Variants in NOS1 observed in about 807,000 individuals in gnomAD.
NOS1 encodes nitric oxide synthase 1, also known as NOS type I.
In NOS1, 51 loss-of-function variants were observed where a neutral mutation model predicts 164.5. The ratio of observed to expected loss-of-function variants is 0.31; its 90% CI spans 0.25 to 0.39. The LOEUF is 0.39. NOS1 is among the 10% of genes least tolerant of loss of function. NOS1 has a pLI of 1.00. For missense variants in NOS1, 1,362 were observed against 1,885.6 expected (o/e 0.72, Z 5.14); for synonymous variants, 719 against 745.8 (o/e 0.96, Z 0.59).
chr12:117,267,288 G>A (rs2135990380), intron 11 of NOS1, among the ~76,000 whole-genome samples: 1 of 152,224 alleles, frequency 6.6e-6, no homozygotes, highest in Non-Finnish European at 1.5e-5. Context: ...TCGCCCTCTG[G>A]CTCTCAAAAG....
chr12:117,272,576 GGCCC>G lies in NOS1; in HGVS notation c.1665-21_1665-18del. On this transcript the variant is annotated intron_variant, in intron 9 of 28. Transcript: ENST00000317775. This position sits in a 1 kb window ranked among gnomAD's most constrained non-coding sequence, Gnocchi z 4.3. ...CACTCAAACCTGCAGGGAGCAACAGGGCCCAGCTCACCCGGAGCAGGTGTCTCAT... is the reference window on the plus strand; with the variant it reads ...CACTCAAACCTGCAGGGAGCAACAGGAGCTCACCCGGAGCAGGTGTCTCAT... 1 of 1,606,878 alleles carries G rather than the reference GGCCC, an allele frequency of 6.2e-7. No individual in the cohort carries two copies. Among genetic ancestry groups the G allele is most frequent in the Non-Finnish European group, 8.5e-7 (1 of 1,176,790 alleles).
chr12:117,256,082 G>T, intron 16 of NOS1: 1 of 1,131,092 alleles, frequency 8.8e-7, no homozygotes, highest in Non-Finnish European at 1.2e-6. Flanking sequence ...CTGAAGGAGG[G>T]GTGAGAGGGA....
At chr12:117,260,692 C>T in intron 13 of NOS1, 83 bp from the exon 14 acceptor site, 1 of 1,450,298 alleles carries the variant, frequency 6.9e-7, no homozygotes, top group East Asian at 2.3e-5. Context: ...GTGCAAGAAC[C>T]AGGATCCATG....
rs746126441 is a variant in NOS1, at chr12:117,225,027, A to C, written c.3815T>G (p.Ile1272Ser). Residue 1272 changes from isoleucine to serine, a missense_variant, in exon 25 of 29, where the codon ATC becomes AGC. Physicochemically the swap from Ile to Ser is moderately radical, Grantham distance 142. Around this residue, in one of 4 missense-constraint regions of NOS1, gnomAD observed 737 missense variants for 1,030.3 expected, o/e 0.72. Coordinates refer to ENST00000317775, the MANE Select transcript of NOS1 (RefSeq NM_000620.5). ...RSFWQQRQFD[I>S]QHKGMNPCPM... ...GGACTGTAACCCACCTTTGTGTTGG[A>C]TATCAAATTGCCGCTGTTGCCAGAA... 1.2e-6 allele frequency: 2 copies of C among 1,614,140 alleles called. No homozygotes were observed. Among genetic ancestry groups the C allele is most frequent in the Non-Finnish European group, 1.7e-6 (2 of 1,180,022 alleles).
chr12:117,220,283 A>C lies in NOS1; in HGVS notation c.3976-14T>G. On this transcript the variant is annotated splice_polypyrimidine_tract_variant and intron_variant, in intron 26 of 28. Transcript: ENST00000317775. ...CTGCACGTACTTCTGCAAGGAGCAG[A>C]GAGCAGTGAGAAGGGGCTGGGCTGT... 6.3e-7 allele frequency: 1 copy of C among 1,594,848 alleles called. No individual in the cohort carries two copies. The highest frequency in any genetic ancestry group is 8.5e-7 in the Non-Finnish European group (1 of 1,174,844).
chr12:117,292,848 T>C (rs747365788), intron 3 of NOS1, among the ~76,000 whole-genome samples: 4 of 152,158 alleles, frequency 2.6e-5, no homozygotes, highest in Non-Finnish European at 5.9e-5. Flanking sequence ...TCTGCTCCCA[T>C]GGAGTCACAG....
chr12:117,258,262 C>A, intron 16 of NOS1, 135 bp downstream of exon 16: 2 of 860,324 alleles, frequency 2.3e-6, no homozygotes, highest in East Asian at 2.6e-5. Flanking sequence ...AGACACCTCA[C>A]AACTAAGACC....
At chr12:117,322,938 A>G (rs888530490) in intron 2 of NOS1, among the ~76,000 whole-genome samples, 2 of 147,868 alleles carry the variant, frequency 1.4e-5, no homozygotes, top group Non-Finnish European at 3.0e-5. Flanking sequence ...TCAAGCTTGG[A>G]ACTAAATGAT....
chr12:117,225,772 C>T (rs907076686), intron 24 of NOS1, among the ~76,000 whole-genome samples: 1 of 152,078 alleles, frequency 6.6e-6, no homozygotes, highest in African/African-American at 2.4e-5. Flanking sequence ...ATTACAGGCA[C>T]CCGCCACCAC....
intron 1 of NOS1, among the ~76,000 whole-genome samples, chr12:117,332,535 T>C (rs1875596374): frequency 6.6e-6 from 1 of 152,026 alleles, no homozygotes; most frequent in South Asian, 2.1e-4. Flanking sequence ...GAGACCAGCC[T>C]GGGCAACATA....
At chr12:117,289,713 G>A (rs968049914) in intron 4 of NOS1, among the ~76,000 whole-genome samples, 3 of 152,190 alleles carry the variant, frequency 2.0e-5, no homozygotes, top group African/African-American at 7.2e-5. Flanking sequence ...GGGTGGTAGA[G>A]CTTATCACAA....
chr12:117,288,846 G>A (rs992838480), intron 4 of NOS1, among the ~76,000 whole-genome samples: 11 of 152,114 alleles, frequency 7.2e-5, no homozygotes, highest in African/African-American at 2.4e-4. Flanking sequence ...GAAGAGGAGA[G>A]ACCACATGGA....
At chr12:117,328,388 C>T (rs568989896) in intron 2 of NOS1, among the ~76,000 whole-genome samples, 85 of 152,196 alleles carry the variant, frequency 5.6e-4, no homozygotes, top group Middle Eastern at 3.4e-3. Context: ...AGGTTGGTTT[C>T]GAACTCCTGA....
At position 117,208,858 on chromosome 12, in the gene NOS1, G is replaced by T; in HGVS notation, c.*6451C>A. The T allele has an allele frequency of 1.6e-6, 1 of 620,618 alleles. No homozygotes were observed. Among genetic ancestry groups the T allele is most frequent in the Non-Finnish European group, 2.0e-6 (1 of 496,034 alleles). The allele number at this position is 620,618 out of a possible 1,614,324, so 38.4% of individuals were successfully genotyped here. The stretch of plus-strand genomic sequence containing the variant: ...CTGCCTCAGCCTCCCGAGTAGATGG[G>T]ATTACAGATGCCCGCCACCACGCCG... On this transcript the variant is annotated 3_prime_UTR_variant, in exon 29 of 29. Coordinates refer to ENST00000317775, the MANE Select transcript of NOS1 (RefSeq NM_000620.5).
intron 9 of NOS1, among the ~76,000 whole-genome samples, chr12:117,277,590 T>C (rs1397722966): frequency 6.7e-6 from 1 of 149,960 alleles, no homozygotes; most frequent in African/African-American, 2.4e-5. Context: ...GCAGACCCTG[T>C]CTCAAAAAAA....
chr12:117,225,320 G>A (rs1047909704), intron 24 of NOS1, among the ~76,000 whole-genome samples, 183 bp from the exon 25 acceptor site: 1 of 152,150 alleles, frequency 6.6e-6, no homozygotes, highest in African/African-American at 2.4e-5. Context: ...TTCCAAAAAT[G>A]GGGGGTCCTC....
At chr12:117,221,130 T>TTTATTTATTTA (rs1956698096) in intron 26 of NOS1, among the ~76,000 whole-genome samples, 1 of 146,028 alleles carries the variant, frequency 6.8e-6, no homozygotes, top group African/African-American at 2.6e-5. Flanking sequence ...TTAAATTTAT[T>TTTATTTATTTA]TTTATTTATT....
chr12:117,292,348 T>C (rs1489962866), intron 3 of NOS1, among the ~76,000 whole-genome samples: 1 of 151,622 alleles, frequency 6.6e-6, no homozygotes, highest in East Asian at 1.9e-4. Flanking sequence ...AGCAAGGAGG[T>C]TGAGTGTGGC....
Position 117,311,469 on chromosome 12 carries a change from C to T in NOS1, c.849G>A (p.Glu283=). The change falls in exon 3 of 29, where the codon GAG becomes GAA. Residue 283 remains glutamate (E), a synonymous_variant. Coordinates refer to ENST00000317775, the MANE Select transcript of NOS1 (RefSeq NM_000620.5). The stretch of plus-strand genomic sequence containing the variant: ...CAGCTTGGCATCAAGCACTTACCTG[C>T]TCCTTCTCTGAATATGGGTTGTTGA... ...VVLNNPYSEK[E]QPPTSGKQSP... 3.1e-6 allele frequency: 5 copies of T among 1,604,866 alleles called. No individual in the cohort carries two copies. The South Asian group carries it at 3.4e-5, about 11-fold the overall frequency.
Sources: gnomAD v4.1 joint callset for allele counts (sites outside exome capture counted in the v4.1 genomes callset) on GRCh38, gnomAD v4.1.1 for gene constraint, gnomAD v4.1.1 regional missense constraint, Gnocchi (gnomAD v3.1) non-coding constraint, MANE v1.5 for transcripts, NCBI Gene and HGNC (gene_info 2026-07-23, HGNC 2026-07-21) for gene names.